Variants in NRXN3 observed in about 807,000 individuals in gnomAD.
NRXN3 encodes the protein neurexin 3.
Under a neutral mutation model 137.6 loss-of-function variants are expected in NRXN3, and 32 were observed. The ratio of observed to expected loss-of-function variants is 0.23; its 90% CI spans 0.18 to 0.31. The LOEUF is 0.31. Ranked by LOEUF, NRXN3 falls within the 10% of genes least tolerant of loss-of-function variation. NRXN3 has a pLI of 1.00. For missense variants in NRXN3, 1,574 were observed against 2,062.5 expected (o/e 0.76, Z 4.59); for synonymous variants, 798 against 784.5 (o/e 1.02, Z -0.29).
chr14:78,197,269 G>A lies in NRXN3; in HGVS notation c.-704+26595G>A, dbSNP rs771722525. Reference sequence around the variant, plus strand: ...CAGGAGGCTGTCACTGCTTTTAGCTGGGGTGCTAGAAAAGAACTTCGGCTT... The same window carrying A: ...CAGGAGGCTGTCACTGCTTTTAGCTAGGGTGCTAGAAAAGAACTTCGGCTT... On this transcript the variant is annotated intron_variant, in intron 1 of 20. Coordinates refer to ENST00000335750, the MANE Select transcript of NRXN3 (RefSeq NM_001330195.2). Among the ~76,000 whole-genome samples the A allele has an allele frequency of 2.0e-5, 3 of 152,220 alleles. No individual in the cohort carries two copies. The South Asian group carries it at 6.2e-4, about 31-fold the overall frequency.
At chr14:79,134,052 T>A (rs1420813001) in intron 15 of NRXN3, among the ~76,000 whole-genome samples, 1 of 152,162 alleles carries the variant, frequency 6.6e-6, no homozygotes, top group East Asian at 1.9e-4. Context: ...CTTCAGAGAA[T>A]GCTTGTGTGC....
At chr14:78,308,991 C>G (rs2077655023) in intron 4 of NRXN3, among the ~76,000 whole-genome samples, 1 of 152,084 alleles carries the variant, frequency 6.6e-6, no homozygotes. Flanking sequence ...AGTATTTTAC[C>G]TATAATGGCT....
intron 10 of NRXN3, among the ~76,000 whole-genome samples, chr14:78,853,031 T>C (rs1487610891): frequency 6.6e-6 from 1 of 152,218 alleles, no homozygotes; most frequent in African/African-American, 2.4e-5. Flanking sequence ...TTCATTTTTA[T>C]GGCTGAATAG....
Position 78,271,927 on chromosome 14 carries a change from A to C in NRXN3, c.710-6718A>C, listed in dbSNP as rs1287900172. Reference sequence around the variant, plus strand: ...CACTGAGAGCCAGAAAGAGCCCTAGAACGAAGGAAACAACCTCCTCACTGC... The same window carrying C: ...CACTGAGAGCCAGAAAGAGCCCTAGCACGAAGGAAACAACCTCCTCACTGC... On this transcript the variant is annotated intron_variant, in intron 2 of 20. Transcript: ENST00000335750. Among the ~76,000 whole-genome samples, 3 of 152,122 alleles carry C rather than the reference A, an allele frequency of 2.0e-5. No individual in the cohort carries two copies. In the South Asian group the frequency reaches 6.2e-4, roughly 31 times the overall value.
intron 15 of NRXN3, among the ~76,000 whole-genome samples, chr14:79,373,512 A>C (rs900300756): frequency 8.5e-5 from 13 of 152,204 alleles, no homozygotes; most frequent in South Asian, 2.1e-4. Flanking sequence ...TTACTTCTTC[A>C]TTACTTGATT....
intron 15 of NRXN3, among the ~76,000 whole-genome samples, chr14:79,084,936 A>T (rs957916175): frequency 6.6e-6 from 1 of 152,162 alleles, no homozygotes; most frequent in African/African-American, 2.4e-5. Flanking sequence ...GTTGGGGACC[A>T]TCTGTTAATG....
intron 14 of NRXN3, among the ~76,000 whole-genome samples, chr14:78,985,206 T>C (rs993646335): frequency 1.3e-5 from 2 of 152,208 alleles, no homozygotes; most frequent in African/African-American, 4.8e-5. Flanking sequence ...CAAGGGTGGT[T>C]ACAATTCAGA....
rs117972314 is a variant in NRXN3, at chr14:79,276,880, G to A, written c.3263-190341G>A. On this transcript the variant is annotated intron_variant, in intron 15 of 20. Coordinates refer to ENST00000335750, the MANE Select transcript of NRXN3 (RefSeq NM_001330195.2). Reference sequence around the variant, plus strand: ...GATTGGCAATTGATTCACTGAGTTCGTTCATTCAGCCAGTATTTACTGAGC... The same window carrying A: ...GATTGGCAATTGATTCACTGAGTTCATTCATTCAGCCAGTATTTACTGAGC... Among the ~76,000 whole-genome samples the A allele has an allele frequency of 3.5e-3, 529 of 152,164 alleles. 2 individuals are homozygous for A. The highest frequency in any genetic ancestry group is 5.7e-3 in the Non-Finnish European group (386 of 68,012).
chr14:78,688,220 A>AAGAAGGAATTCCTATAG, intron 6 of NRXN3, among the ~76,000 whole-genome samples: 1 of 152,188 alleles, frequency 6.6e-6, no homozygotes, highest in South Asian at 2.1e-4. Context: ...GATTCCTATA[A>AAGAAGGAATTCCTATAG]AGAAGGAATT....
At chr14:78,271,692 C>T (rs2072775324) in intron 2 of NRXN3, among the ~76,000 whole-genome samples, 1 of 152,172 alleles carries the variant, frequency 6.6e-6, no homozygotes, top group Non-Finnish European at 1.5e-5. Flanking sequence ...CCGCTGCCTG[C>T]CCAGGCTGAC....
chr14:79,151,517 G>A (rs1257808400), intron 15 of NRXN3, among the ~76,000 whole-genome samples: 1 of 152,044 alleles, frequency 6.6e-6, no homozygotes, highest in Non-Finnish European at 1.5e-5. Context: ...AACTGGAGTT[G>A]TTCCATGATC....
At chr14:79,367,471 G>A (rs190292851) in intron 15 of NRXN3, among the ~76,000 whole-genome samples, 20 of 152,216 alleles carry the variant, frequency 1.3e-4, no homozygotes, top group Non-Finnish European at 2.4e-4. Flanking sequence ...TATAGGAAGA[G>A]ACATGACAGA....
At chr14:79,374,099 A>G (rs2094190812) in intron 15 of NRXN3, among the ~76,000 whole-genome samples, 6 of 152,234 alleles carry the variant, frequency 3.9e-5, no homozygotes, top group Admixed American at 3.9e-4. Flanking sequence ...TTCATTCTAA[A>G]GCAATGCCAT....
intron 4 of NRXN3, among the ~76,000 whole-genome samples, chr14:78,612,797 A>G (rs2097311194): frequency 6.6e-6 from 1 of 152,196 alleles, no homozygotes; most frequent in Non-Finnish European, 1.5e-5. Flanking sequence ...TCTCTCTGGC[A>G]GCCATCCCCA....
intron 6 of NRXN3, among the ~76,000 whole-genome samples, chr14:78,660,288 G>T (rs1369940592): frequency 7.0e-6 from 1 of 143,602 alleles, no homozygotes; most frequent in African/African-American, 2.8e-5. Flanking sequence ...TGGCAACTGG[G>T]TATTCATTCT....
At chr14:78,946,916 AT>A (rs763615538) in intron 10 of NRXN3, among the ~76,000 whole-genome samples, 17 of 152,026 alleles carry the variant, frequency 1.1e-4, no homozygotes, top group Non-Finnish European at 2.5e-4. Flanking sequence ...AGTTTTAATT[AT>A]TTTCTCTATG....
At chr14:79,594,690 C>CA (rs57784227) in intron 16 of NRXN3, among the ~76,000 whole-genome samples, 38,592 of 137,354 alleles carry the variant, frequency 0.28, 6,506 homozygotes, top group African/African-American at 0.54. Context: ...TCCAGGTCTT[C>CA]AAAAAAAAAT....
chr14:78,212,100 G>C (rs1386339817), intron 1 of NRXN3, among the ~76,000 whole-genome samples: 1 of 152,190 alleles, frequency 6.6e-6, no homozygotes, highest in Non-Finnish European at 1.5e-5. Context: ...CTAGATTACT[G>C]TGACTCAGTG....
intron 16 of NRXN3, among the ~76,000 whole-genome samples, chr14:79,556,268 C>G (rs1389561448): frequency 6.6e-6 from 1 of 152,090 alleles, no homozygotes; most frequent in Non-Finnish European, 1.5e-5. Flanking sequence ...GTGTATTATT[C>G]TCTGAGAGGT....
Sources: allele counts gnomAD v4.1 joint callset (sites outside exome capture counted in the v4.1 genomes callset), GRCh38; gene constraint gnomAD v4.1.1; transcripts MANE v1.5; gene names NCBI Gene and HGNC (gene_info 2026-07-23, HGNC 2026-07-21).